KIAA0930: variants seen among roughly 807,000 people sequenced by gnomAD.
The protein encoded by KIAA0930 is uncharacterized protein KIAA0930.
In KIAA0930, 24 loss-of-function variants were observed where a neutral mutation model predicts 43.9. The observed-to-expected ratio is 0.55, with a 90% CI of 0.40 to 0.77. The LOEUF (loss-of-function observed/expected upper bound fraction) is 0.77, where lower values mean the gene tolerates loss of function less well. KIAA0930 is among the 30% of genes least tolerant of loss of function. The probability of loss-of-function intolerance (pLI) is 0.00; values close to 1 mark genes in which losing one functional copy is unlikely to be tolerated. For synonymous variants in KIAA0930, 259 were observed against 216.4 expected, an observed-to-expected ratio of 1.20 and a Z score of -1.73; for missense variants, 461 against 574.2, an observed-to-expected ratio of 0.80 and a Z score of 2.02.
Position 45,205,895 on chromosome 22 carries a change from C to T in KIAA0930, c.234G>A (p.Val78=), listed in dbSNP as rs367815751. The T allele has an allele frequency of 1.4e-5, 23 of 1,613,496 alleles. No individual in the cohort carries two copies. Among genetic ancestry groups the T allele is most frequent in the Non-Finnish European group, 1.9e-5 (23 of 1,180,006 alleles). Residue 78 remains valine, a synonymous_variant, in exon 3 of 10, where the codon GTG becomes GTA. Coordinates refer to ENST00000336156, the MANE Select transcript of KIAA0930 (RefSeq NM_001009880.2). ...AGTCCCGCCGGTACACCTCCACCTC[C>T]ACCTCAGGCTCAGCTGCCTGCGAGG... is the stretch of plus-strand genomic sequence containing the variant. The part of the protein sequence containing the change: ...ADGRKAAEPE[V]EVEVYRRDSK...
At chr22:45,233,580 G>A (rs2083867758) in intron 1 of KIAA0930, among the ~76,000 whole-genome samples, 1 of 152,124 alleles carries the variant, frequency 6.6e-6, no homozygotes, top group Non-Finnish European at 1.5e-5. Flanking sequence ...CTGCAGAACA[G>A]CCCGGGTGCC....
At chr22:45,213,148 G>C (rs1179484160) in intron 1 of KIAA0930, among the ~76,000 whole-genome samples, 1 of 152,184 alleles carries the variant, frequency 6.6e-6, no homozygotes, top group Non-Finnish European at 1.5e-5. Context: ...CCAGTGGGCT[G>C]ACCAGGACTC....
rs370342976 is a variant in KIAA0930, at chr22:45,211,992, C to T, written c.180G>A (p.Ala60=). The T allele has an allele frequency of 1.9e-4, 314 of 1,613,120 alleles. No individual in the cohort carries two copies. Among genetic ancestry groups the T allele is most frequent in the East Asian group, 4.5e-4 (20 of 44,886 alleles). Reference sequence around the variant, plus strand: ...CTGCACCGCTTTCGCTGCCGGAGTACGCCAGCTTCCGGCGCACATAGAAAA... The same window carrying T: ...CTGCACCGCTTTCGCTGCCGGAGTATGCCAGCTTCCGGCGCACATAGAAAA... ...DMLFYVRRKL[A]YSGSESGADG... Residue 60 remains alanine (A), a synonymous_variant, in exon 2 of 10, where the codon GCG becomes GCA. Coordinates refer to ENST00000336156, the MANE Select transcript of KIAA0930 (RefSeq NM_001009880.2).
intron 6 of KIAA0930, 106 bp from the exon 7 acceptor site, chr22:45,203,290 G>C: frequency 8.4e-7 from 1 of 1,186,318 alleles, no homozygotes; most frequent in Non-Finnish European, 1.2e-6. Context: ...AAGGAGCGGG[G>C]GCTGCCCGGG....
intron 1 of KIAA0930, among the ~76,000 whole-genome samples, chr22:45,216,769 C>T (rs1432151554): frequency 2.0e-5 from 3 of 152,072 alleles, no homozygotes; most frequent in Non-Finnish European, 4.4e-5. Context: ...TTTTCCCCAC[C>T]CTCAAGCAGA....
intron 2 of KIAA0930, among the ~76,000 whole-genome samples, chr22:45,209,671 G>A (rs1182623286): frequency 6.6e-6 from 1 of 152,140 alleles, no homozygotes; most frequent in Non-Finnish European, 1.5e-5. Flanking sequence ...CCATAGCACT[G>A]GCCATACCGT....
In KIAA0930 at chr22:45,239,813, T is replaced by C. The variant is rs374706893; in HGVS notation, c.64+827A>G. ...GACAATGTGGTATGAAGTCATTCCC[T>C]GCACGGAGGAGGGAGGGGTCTTTTC... is the stretch of plus-strand genomic sequence containing the variant. On this transcript the variant is annotated intron_variant, in intron 1 of 9. Transcript: ENST00000336156. 3.5e-3 allele frequency among the ~76,000 whole-genome samples: 535 copies of C among 152,242 alleles called. 1 individual carries two copies. The highest frequency in any genetic ancestry group is 0.012 in the African/African-American group (514 of 41,538).
intron 2 of KIAA0930, among the ~76,000 whole-genome samples, chr22:45,210,960 G>A (rs2083688548): frequency 6.6e-6 from 1 of 152,128 alleles, no homozygotes; most frequent in African/African-American, 2.4e-5. Flanking sequence ...CCCTCTCCTG[G>A]CTCTTCCCCC....
chr22:45,199,206 T>C (rs2083564036), intron 8 of KIAA0930, among the ~76,000 whole-genome samples: 1 of 152,140 alleles, frequency 6.6e-6, no homozygotes, highest in Admixed American at 6.5e-5. Context: ...CCCTGGGGGC[T>C]CTGGGAACAA....
At chr22:45,220,360 C>T (rs1569080578) in intron 1 of KIAA0930, among the ~76,000 whole-genome samples, 1 of 151,726 alleles carries the variant, frequency 6.6e-6, no homozygotes, top group Non-Finnish European at 1.5e-5. Flanking sequence ...GAGGTTAAAG[C>T]AGGAGAATTG....
chr22:45,201,975 G>A (rs571191940), intron 7 of KIAA0930, among the ~76,000 whole-genome samples: 19 of 142,132 alleles, frequency 1.3e-4, no homozygotes, highest in South Asian at 8.3e-4. Context: ...GCCAAGCCCC[G>A]GATTCCTCAA....
At chr22:45,197,265 G>C in intron 9 of KIAA0930, 49 bp from the exon 10 acceptor site, 1 of 1,519,360 alleles carries the variant, frequency 6.6e-7, no homozygotes, top group Non-Finnish European at 8.9e-7. Context: ...CTCAACAGCG[G>C]TGAGTGCTAT....
chr22:45,209,492 C>T (rs539099760), intron 2 of KIAA0930, among the ~76,000 whole-genome samples: 45 of 152,318 alleles, frequency 3.0e-4, no homozygotes, highest in African/African-American at 9.4e-4. Context: ...ATGTGGCACT[C>T]GTCACACACC....
At position 45,213,280 on chromosome 22, in the gene KIAA0930, C is replaced by A. The variant is rs750842789; in HGVS notation, c.65-1173G>T. 4.2e-5 allele frequency: 55 copies of A among 1,294,394 alleles called. No individual in the cohort carries two copies. In the South Asian group the frequency reaches 6.8e-4, roughly 16 times the overall value. 80.2% of individuals were successfully genotyped at this position (1,294,394 alleles called of 1,614,324 possible). A position where few individuals can be genotyped will look rare whatever the true frequency, so the allele number is the denominator to read the frequency against. ...TCGGCCCTCAGCCCTCAGCCCTCTG[C>A]CCTCTGCCCTCAGCCCTCTGCCCAA... On this transcript the variant is annotated intron_variant, in intron 1 of 9. Coordinates refer to ENST00000336156, the MANE Select transcript of KIAA0930 (RefSeq NM_001009880.2).
At chr22:45,226,435 G>A in intron 1 of KIAA0930, 1 of 417,352 alleles carries the variant, frequency 2.4e-6, no homozygotes, top group Non-Finnish European at 5.0e-6. Context: ...TGCATGGCGG[G>A]GGAGGCTCCT....
chr22:45,240,293 G>C (rs974056617), intron 1 of KIAA0930, among the ~76,000 whole-genome samples: 1 of 152,256 alleles, frequency 6.6e-6, no homozygotes, highest in African/African-American at 2.4e-5. Context: ...CCGCGGTGCT[G>C]AGGGCCCGGG....
At chr22:45,201,874 G>T (rs911651797) in intron 7 of KIAA0930, among the ~76,000 whole-genome samples, 1 of 152,192 alleles carries the variant, frequency 6.6e-6, no homozygotes. Context: ...AGGCATGCCT[G>T]CGGTAATGCA....
chr22:45,202,934 G>T, intron 7 of KIAA0930, 56 bp downstream of exon 7: 2 of 1,439,116 alleles, frequency 1.4e-6, no homozygotes, highest in South Asian at 1.3e-5. Flanking sequence ...CGGGGGAGAC[G>T]GTGGAAAGTG....
intron 8 of KIAA0930, 141 bp downstream of exon 8, chr22:45,199,732 G>A: frequency 1.1e-6 from 1 of 885,594 alleles, no homozygotes; most frequent in Non-Finnish European, 1.7e-6. Flanking sequence ...AGCTCCTGGA[G>A]GGCTGCCTGG....
Sources: allele counts gnomAD v4.1 joint callset (sites outside exome capture counted in the v4.1 genomes callset), GRCh38; gene constraint gnomAD v4.1.1; transcripts MANE v1.5; gene names NCBI Gene and HGNC (gene_info 2026-07-23, HGNC 2026-07-21).